Variants in TMIGD3 observed in about 807,000 individuals in gnomAD.
TMIGD3 encodes transmembrane and immunoglobulin domain containing 3, also known as AD026 protein (AD026).
A neutral mutation model predicts 28.1 loss-of-function variants in TMIGD3; 21 were observed. The ratio of observed to expected loss-of-function variants is 0.75; its 90% CI spans 0.53 to 1.08. The LOEUF is 1.08. Ranked by LOEUF, TMIGD3 falls within the 50% of genes least tolerant of loss-of-function variation. The pLI is 0.00. For missense variants in TMIGD3, 416 were observed against 435.6 expected, an observed-to-expected ratio of 0.96 and a Z score of 0.40; for synonymous variants, 151 against 162.1, an observed-to-expected ratio of 0.93 and a Z score of 0.52.
chr1:111,539,236 C>T (rs1479463889), intron 1 of TMIGD3, among the ~76,000 whole-genome samples: 1 of 152,178 alleles, frequency 6.6e-6, no homozygotes, highest in Non-Finnish European at 1.5e-5. Context: ...TGCTCTTCAG[C>T]CCATGCCTGC....
intron 1 of TMIGD3, among the ~76,000 whole-genome samples, chr1:111,552,747 A>G (rs1435112421): frequency 2.6e-5 from 4 of 152,192 alleles, no homozygotes; most frequent in Admixed American, 1.3e-4. Context: ...CACTTCCTAC[A>G]TGCATGACCT....
In TMIGD3 at chr1:111,500,469, C is replaced by T. The variant is rs773402304; in HGVS notation, c.350+2536G>A. On this transcript the variant is annotated intron_variant, in intron 1 of 5. Transcript: ENST00000369716. ...AGGTCAGTTTCATGTTCCAGCCAAACATGGGGGTCAATCCCACCAGGAATG... is the reference window on the plus strand; with the variant it reads ...AGGTCAGTTTCATGTTCCAGCCAAATATGGGGGTCAATCCCACCAGGAATG... 1.5e-5 allele frequency: 25 copies of T among 1,614,082 alleles called. No individual in the cohort carries two copies. In the Middle Eastern group the frequency reaches 4.9e-4, roughly 32 times the overall value.
At position 111,555,362 on chromosome 1, in the gene TMIGD3, TAAAA is replaced by T. The variant is rs397981230; in HGVS notation, c.107+8480_107+8483del. 4.6e-3 allele frequency among the ~76,000 whole-genome samples: 218 copies of T among 47,618 alleles called. 1 individual carries two copies. The highest frequency in any genetic ancestry group is 7.1e-3 in the Admixed American group (22 of 3,080). The allele number at this position is 47,618 out of a possible 152,430, so 31.2% of individuals were successfully genotyped here. On this transcript the variant is annotated intron_variant, in intron 1 of 5. Coordinates refer to the TMIGD3 transcript ENST00000369717. The stretch of plus-strand genomic sequence containing the variant: ...GCCTGGGTGACAGACTGAGACTCTG[TAAAA>T]AAAAAAAAAAAAAAAAAAAAAAAAA...
At position 111,497,241 on chromosome 1, in the gene TMIGD3, G is replaced by C. The variant is rs565980383; in HGVS notation, c.350+5764C>G. Among the ~76,000 whole-genome samples, 5 of 152,278 alleles carry C rather than the reference G, an allele frequency of 3.3e-5. No homozygotes were observed. The South Asian group carries it at 1.0e-3, about 32-fold the overall frequency. ...TTCTCCTGCCTCAGCCTCCCGAGTA[G>C]CTGGGACTACAGCTGCCCGCCACCA... is the stretch of plus-strand genomic sequence containing the variant. On this transcript the variant is annotated intron_variant, in intron 1 of 5. Coordinates refer to ENST00000369716, the MANE Select transcript of TMIGD3 (RefSeq NM_020683.7).
upstream of TMIGD3, chr1:111,503,786 C>G (rs774872044): frequency 3.0e-6 from 3 of 1,008,576 alleles, no homozygotes; most frequent in Non-Finnish European, 3.6e-6. Flanking sequence ...GTACAGAGCT[C>G]AGAACTCTCA....
intron 1 of TMIGD3, among the ~76,000 whole-genome samples, chr1:111,513,461 C>T (rs1655757737): frequency 6.6e-6 from 1 of 152,176 alleles, no homozygotes; most frequent in Non-Finnish European, 1.5e-5. Flanking sequence ...CTTTCATTAA[C>T]CCTGGAAACA....
Position 111,500,212 on chromosome 1 carries a change from A to G in TMIGD3, c.350+2793T>C, listed in dbSNP as rs765761620. 7 of 1,614,170 alleles carry G rather than the reference A, an allele frequency of 4.3e-6. No homozygotes were observed. The East Asian group carries it at 1.6e-4, about 36-fold the overall frequency. On this transcript the variant is annotated intron_variant, in intron 1 of 5. Transcript: ENST00000369716. ...AGCAAACAAGAAAAGAACCAGAAAC[A>G]AGGACTTAGCCGTCTTGAACTCCCG...
At chr1:111,498,790 T>C (rs72991746) in intron 1 of TMIGD3, among the ~76,000 whole-genome samples, 5,488 of 152,230 alleles carry the variant, frequency 0.036, 344 homozygotes, top group African/African-American at 0.12. Context: ...TTAGTGTATA[T>C]AGAGTGCTCA....
At chr1:111,504,680 C>T (rs76512672), upstream of TMIGD3, among the ~76,000 whole-genome samples, 1,581 of 152,298 alleles carry the variant, frequency 0.01, 29 homozygotes, top group African/African-American at 0.037. Context: ...TAAAATTCAG[C>T]AGTAACAACA....
intron 1 of TMIGD3, among the ~76,000 whole-genome samples, chr1:111,540,113 G>C (rs1656767611): frequency 6.6e-6 from 1 of 152,138 alleles, no homozygotes; most frequent in Non-Finnish European, 1.5e-5. Context: ...ATTGCTAATT[G>C]GGAATGTGAT....
At chr1:111,549,996 A>G (rs77375736) in intron 1 of TMIGD3, among the ~76,000 whole-genome samples, 4,121 of 152,116 alleles carry the variant, frequency 0.027, 177 homozygotes, top group African/African-American at 0.094. Flanking sequence ...TACTGATTCA[A>G]TTTGTTTACT....
chr1:111,489,752 C>T, intron 2 of TMIGD3: 1 of 1,030,860 alleles, frequency 9.7e-7, no homozygotes, highest in South Asian at 3.4e-5. Flanking sequence ...GCTGGCTGCA[C>T]AGGGCTGAAA....
At chr1:111,532,253 CT>C (rs1261536334) in intron 1 of TMIGD3, among the ~76,000 whole-genome samples, 2 of 146,024 alleles carry the variant, frequency 1.4e-5, no homozygotes, top group African/African-American at 5.2e-5. Flanking sequence ...GTACTCTGTT[CT>C]GCAAACTAGC....
At chr1:111,493,387 C>A (rs911769927) in intron 1 of TMIGD3, among the ~76,000 whole-genome samples, 8 of 152,140 alleles carry the variant, frequency 5.3e-5, no homozygotes, top group South Asian at 2.1e-4. Context: ...CACCTCCCCC[C>A]ACCCTGCTTC....
intron 1 of TMIGD3, among the ~76,000 whole-genome samples, chr1:111,519,678 A>G (rs563428356): frequency 1.4e-4 from 21 of 149,276 alleles, no homozygotes; most frequent in Non-Finnish European, 2.1e-4. Context: ...TCCCTCCCCG[A>G]GCTTAGTGCC....
Position 111,503,312 on chromosome 1 carries a change from A to G in TMIGD3, c.43T>C (p.Tyr15His), listed in dbSNP as rs1356968060. ...STALSLANVT[Y>H]ITMEIFIGLC... ...CCAATGAAAATTTCCATGGTGATGT[A>G]GGTAACATTGGCCAATGACAGAGCA... is the stretch of plus-strand genomic sequence containing the variant. The change falls in exon 1 of 6, where the codon TAC becomes CAC. Residue 15 changes from tyrosine (Y) to histidine (H), a missense_variant. Tyr to His is a moderately conservative substitution (Grantham distance 83). Transcript: ENST00000369716. 2 of 1,614,060 alleles carry G rather than the reference A, an allele frequency of 1.2e-6. No homozygotes were observed. Among genetic ancestry groups the G allele is most frequent in the South Asian group, 1.1e-5 (1 of 91,026 alleles).
intron 1 of TMIGD3, among the ~76,000 whole-genome samples, chr1:111,522,519 T>C (rs1012652410): frequency 7.5e-6 from 1 of 133,554 alleles, no homozygotes; most frequent in African/African-American, 3.0e-5. Flanking sequence ...TGTTTGTTGC[T>C]TTTTTTTTTT....
intron 1 of TMIGD3, among the ~76,000 whole-genome samples, chr1:111,510,367 C>T (rs148075699): frequency 1.8e-4 from 27 of 152,234 alleles, no homozygotes; most frequent in African/African-American, 9.6e-5. Context: ...AAGTATGTCT[C>T]GGTGTTTCAT....
At chr1:111,554,365 G>C (rs558307703) in intron 1 of TMIGD3, among the ~76,000 whole-genome samples, 1 of 152,136 alleles carries the variant, frequency 6.6e-6, no homozygotes, top group Non-Finnish European at 1.5e-5. Context: ...TCTTTTGTTT[G>C]ACAAAAAATA....
Sources: gnomAD v4.1 joint callset for allele counts (sites outside exome capture counted in the v4.1 genomes callset) on GRCh38, gnomAD v4.1.1 for gene constraint, MANE v1.5 for transcripts, NCBI Gene and HGNC (gene_info 2026-07-23, HGNC 2026-07-21) for gene names.